NRXN1: variants seen among roughly 807,000 people sequenced by gnomAD.
NRXN1 encodes neurexin-1.
A neutral mutation model predicts 150.9 loss-of-function variants in NRXN1; 39 were observed. The observed-to-expected ratio is 0.26, with a 90% CI of 0.20 to 0.34. The LOEUF (loss-of-function observed/expected upper bound fraction) is 0.34, where lower values mean the gene tolerates loss of function less well. NRXN1 is among the 10% of genes least tolerant of loss of function. The pLI is 1.00. For synonymous variants in NRXN1, 924 were observed against 757.0 expected (o/e 1.22, Z -3.62); for missense variants, 1,815 against 1,949.9 (o/e 0.93, Z 1.30).
At chr2:50,744,382 T>C (rs982966695) in intron 5 of NRXN1, among the ~76,000 whole-genome samples, 4 of 152,038 alleles carry the variant, frequency 2.6e-5, no homozygotes, top group Admixed American at 6.6e-5. Flanking sequence ...TTGGTCAATA[T>C]ATGTAAGAAA....
At chr2:50,945,517 ACT>A (rs1491552639) in intron 2 of NRXN1, among the ~76,000 whole-genome samples, 1 of 51,266 alleles carries the variant, frequency 2.0e-5, no homozygotes, top group African/African-American at 1.2e-4. Flanking sequence ...TCTCTCTCTT[ACT>A]ATATATATAT....
intron 9 of NRXN1, among the ~76,000 whole-genome samples, chr2:50,542,107 C>T (rs1057018293): frequency 1.3e-5 from 2 of 152,050 alleles, no homozygotes; most frequent in African/African-American, 4.8e-5. Context: ...CATGGAGAAA[C>T]CCCATCTCTA....
intron 17 of NRXN1, among the ~76,000 whole-genome samples, chr2:50,286,323 TCTA>T (rs966286397): frequency 6.6e-6 from 1 of 152,110 alleles, no homozygotes; most frequent in Non-Finnish European, 1.5e-5. Flanking sequence ...TAATCACAAT[TCTA>T]CTCTCTACTT....
At chr2:50,601,600 C>T (rs1050414707) in intron 8 of NRXN1, among the ~76,000 whole-genome samples, 2 of 152,228 alleles carry the variant, frequency 1.3e-5, no homozygotes, top group Middle Eastern at 3.4e-3. Context: ...AGAGTGGTGA[C>T]AAGAATCTGA....
At chr2:50,635,618 A>C (rs1457623980) in intron 5 of NRXN1, among the ~76,000 whole-genome samples, 1 of 152,186 alleles carries the variant, frequency 6.6e-6, no homozygotes, top group African/African-American at 2.4e-5. Context: ...CTTTCCCAGC[A>C]TACACAGGCT....
intron 22 of NRXN1, among the ~76,000 whole-genome samples, chr2:49,938,826 A>G (rs1252060902): frequency 6.6e-6 from 1 of 152,176 alleles, no homozygotes; most frequent in Non-Finnish European, 1.5e-5. Flanking sequence ...AGGATCTTGA[A>G]TATCAACATA....
intron 17 of NRXN1, among the ~76,000 whole-genome samples, chr2:50,293,224 G>C (rs1007652117): frequency 6.6e-6 from 1 of 151,998 alleles, no homozygotes; most frequent in African/African-American, 2.4e-5. Flanking sequence ...ACATCTGACT[G>C]CTCGCTCTGG....
intron 2 of NRXN1, among the ~76,000 whole-genome samples, chr2:50,935,371 G>A (rs1201718929): frequency 1.3e-5 from 2 of 152,046 alleles, no homozygotes; most frequent in African/African-American, 4.8e-5. Context: ...ATCCTATTAA[G>A]GAACTACTAC....
intron 5 of NRXN1, among the ~76,000 whole-genome samples, chr2:50,744,980 T>C (rs1699843746): frequency 1.3e-5 from 2 of 152,158 alleles, no homozygotes; most frequent in Non-Finnish European, 2.9e-5. Context: ...CTTCACATGC[T>C]GCCCTCTCAG....
At chr2:50,422,468 G>A (rs1241876439) in intron 17 of NRXN1, among the ~76,000 whole-genome samples, 1 of 152,100 alleles carries the variant, frequency 6.6e-6, no homozygotes, top group African/African-American at 2.4e-5. Flanking sequence ...TACTCATTAT[G>A]GAAAGAAATA....
At chr2:50,149,008 AAT>A (rs1333332903) in intron 18 of NRXN1, among the ~76,000 whole-genome samples, 1 of 151,764 alleles carries the variant, frequency 6.6e-6, no homozygotes, top group African/African-American at 2.4e-5. Flanking sequence ...TCATATTAAC[AAT>A]ATGTTTTCTC....
chr2:50,426,423 C>A (rs1204229656), intron 17 of NRXN1, among the ~76,000 whole-genome samples: 1 of 152,188 alleles, frequency 6.6e-6, no homozygotes, highest in Non-Finnish European at 1.5e-5. Flanking sequence ...GAGAAACATT[C>A]TCCTAAATTT....
intron 17 of NRXN1, among the ~76,000 whole-genome samples, chr2:50,284,516 C>T (rs899467266): frequency 6.6e-6 from 1 of 152,144 alleles, no homozygotes; most frequent in African/African-American, 2.4e-5. Flanking sequence ...CCTCCCACAA[C>T]GACATATAAT....
At chr2:50,738,698 A>T (rs1699063342) in intron 5 of NRXN1, among the ~76,000 whole-genome samples, 1 of 152,160 alleles carries the variant, frequency 6.6e-6, no homozygotes. Flanking sequence ...ATGTTTCAAT[A>T]ACCACATATT....
chr2:50,308,009 T>C (rs181137909), intron 17 of NRXN1, among the ~76,000 whole-genome samples: 49 of 152,354 alleles, frequency 3.2e-4, no homozygotes, highest in African/African-American at 1.2e-4. Context: ...TTTTGACATA[T>C]GTAATGAAAT....
At chr2:50,837,391 G>T (rs1418395625) in intron 5 of NRXN1, among the ~76,000 whole-genome samples, 1 of 152,078 alleles carries the variant, frequency 6.6e-6, no homozygotes, top group Non-Finnish European at 1.5e-5. Flanking sequence ...CATACTTTTT[G>T]GGTCAGATGA....
chr2:50,123,030 G>C (rs1160578207), intron 18 of NRXN1, among the ~76,000 whole-genome samples: 2 of 152,072 alleles, frequency 1.3e-5, no homozygotes, highest in Admixed American at 6.5e-5. Flanking sequence ...CAATTTATTA[G>C]TAGTAAATTT....
chr2:50,829,487 G>T (rs1353641979), intron 5 of NRXN1: 8 of 1,586,078 alleles, frequency 5.0e-6, no homozygotes, highest in African/African-American at 1.3e-5. Context: ...CTATAATAAT[G>T]AGAAAGGCGC....
chr2:50,673,602 G>A (rs1037292184), intron 5 of NRXN1, among the ~76,000 whole-genome samples: 2 of 152,036 alleles, frequency 1.3e-5, no homozygotes, highest in African/African-American at 2.4e-5. Flanking sequence ...ATGCTTCAGG[G>A]TGGTTGCTTT....
Sources: allele counts gnomAD v4.1 joint callset (sites outside exome capture counted in the v4.1 genomes callset), GRCh38; gene constraint gnomAD v4.1.1; transcripts MANE v1.5; gene names NCBI Gene and HGNC (gene_info 2026-07-23, HGNC 2026-07-21).